The following LINGO2 variants were observed in gnomAD, a reference collection of about 807,000 sequenced individuals.
LINGO2 encodes the protein leucine-rich repeat and immunoglobulin-like domain-containing nogo receptor-interacting protein 2.
Under a neutral mutation model 30.6 loss-of-function variants are expected in LINGO2, and 14 were observed. The ratio of observed to expected loss-of-function variants is 0.46; its 90% CI spans 0.30 to 0.72. The LOEUF is 0.72. Ranked by LOEUF, LINGO2 falls within the 30% of genes least tolerant of loss-of-function variation. LINGO2 has a pLI of 0.07. For synonymous variants in LINGO2, 317 were observed against 288.5 expected (o/e 1.10, Z -1.00); for missense variants, 729 against 751.7 (o/e 0.97, Z 0.35).
At chr9:28,450,411 G>A (rs781142937) in intron 2 of LINGO2, among the ~76,000 whole-genome samples, 2 of 152,038 alleles carry the variant, frequency 1.3e-5, no homozygotes, top group Non-Finnish European at 2.9e-5. Flanking sequence ...AAAAGAGTGG[G>A]CTTTTGAGCT....
At chr9:28,127,203 G>T (rs757172813) in intron 4 of LINGO2, among the ~76,000 whole-genome samples, 1 of 152,110 alleles carries the variant, frequency 6.6e-6, no homozygotes, top group Non-Finnish European at 1.5e-5. Flanking sequence ...CTTGAATCTG[G>T]TATGGCTTTA....
the LINGO2 span, among the ~76,000 whole-genome samples, chr9:29,134,461 T>A: frequency 7.9e-5 from 12 of 152,058 alleles, no homozygotes; most frequent in African/African-American, 2.4e-4. Flanking sequence ...TGATTTTTTT[T>A]ATATTTTGTT....
At position 28,130,084 on chromosome 9, in the gene LINGO2, A is replaced by C. The variant is rs954573415; in HGVS notation, c.-86-117679T>G. ...CTCATGAATATAGTTATTGATCTTC[A>C]GGTAAACTCTTGGGGATTTTGTCAA... On this transcript the variant is annotated intron_variant, in intron 4 of 5. Coordinates refer to ENST00000379992, the Ensembl canonical transcript of LINGO2. The surrounding 1 kb of genome is among the most constrained non-coding windows in gnomAD (Gnocchi z 5.2). 1.3e-5 allele frequency among the ~76,000 whole-genome samples: 2 copies of C among 152,242 alleles called. No individual in the cohort carries two copies. Among genetic ancestry groups the C allele is most frequent in the African/African-American group, 4.8e-5 (2 of 41,466 alleles).
intron 1 of LINGO2, among the ~76,000 whole-genome samples, chr9:28,578,662 T>G (rs1824109092): frequency 1.3e-5 from 2 of 152,132 alleles, no homozygotes; most frequent in South Asian, 4.1e-4. Flanking sequence ...TATTGGTCAT[T>G]ATAGTTATAA....
chr9:28,022,263 G>A lies in LINGO2; in HGVS notation c.-86-9858C>T, dbSNP rs1166670099. Reference sequence around the variant, plus strand: ...TTGAAATTTCTCCCTCCTATTCTTCGTGACATTGCTATCATTCATTTCACT... The same window carrying A: ...TTGAAATTTCTCCCTCCTATTCTTCATGACATTGCTATCATTCATTTCACT... On this transcript the variant is annotated intron_variant, in intron 4 of 5. Transcript: ENST00000379992. Among the ~76,000 whole-genome samples, 12 of 152,006 alleles carry A rather than the reference G, an allele frequency of 7.9e-5. No homozygotes were observed. The South Asian group carries it at 8.3e-4, about 11-fold the overall frequency.
intron 2 of LINGO2, among the ~76,000 whole-genome samples, chr9:28,461,791 T>C (rs1427377886): frequency 6.6e-6 from 1 of 152,190 alleles, no homozygotes; most frequent in Non-Finnish European, 1.5e-5. Flanking sequence ...TGATTATATC[T>C]GTTAATGACT....
At chr9:28,858,373 T>C in the LINGO2 span, among the ~76,000 whole-genome samples, 37 of 152,190 alleles carry the variant, frequency 2.4e-4, no homozygotes, top group African/African-American at 8.7e-4. Context: ...TGGAAGATTT[T>C]ATATGTGCTC....
At chr9:28,969,301 A>G in the LINGO2 span, among the ~76,000 whole-genome samples, 10 of 152,160 alleles carry the variant, frequency 6.6e-5, no homozygotes, top group Non-Finnish European at 1.2e-4. Flanking sequence ...TTCAAAGGAA[A>G]GACTAATATC....
At chr9:28,510,144 G>A (rs1035418796) in intron 1 of LINGO2, among the ~76,000 whole-genome samples, 1 of 152,076 alleles carries the variant, frequency 6.6e-6, no homozygotes, top group African/African-American at 2.4e-5. Flanking sequence ...TTTATTGACA[G>A]CATTCATTTA....
chr9:28,220,847 C>T (rs1036413237), intron 4 of LINGO2, among the ~76,000 whole-genome samples: 1 of 152,108 alleles, frequency 6.6e-6, no homozygotes, highest in Non-Finnish European at 1.5e-5. Flanking sequence ...AACCAAGTAA[C>T]ACCTCCAGCC....
chr9:29,189,627 G>A, the LINGO2 span, among the ~76,000 whole-genome samples: 1 of 152,160 alleles, frequency 6.6e-6, no homozygotes, highest in Non-Finnish European at 1.5e-5. Flanking sequence ...GCCGGGCAGA[G>A]GCTGCAATCT....
intron 1 of LINGO2, among the ~76,000 whole-genome samples, chr9:28,630,348 T>G (rs1429864057): frequency 6.6e-6 from 1 of 152,168 alleles, no homozygotes; most frequent in Non-Finnish European, 1.5e-5. Flanking sequence ...GCTCATCTTT[T>G]TTTCTATTAT....
At chr9:28,723,020 G>C in the LINGO2 span, among the ~76,000 whole-genome samples, 10 of 152,090 alleles carry the variant, frequency 6.6e-5, no homozygotes, top group African/African-American at 2.4e-4. Flanking sequence ...AATTACCCCA[G>C]AGTCTCTGGT....
chr9:28,614,264 A>G (rs1367819472), intron 1 of LINGO2, among the ~76,000 whole-genome samples: 1 of 152,164 alleles, frequency 6.6e-6, no homozygotes, highest in East Asian at 1.9e-4. Context: ...TAGAATACAG[A>G]TATTAAAGCC....
chr9:28,978,643 T>C, the LINGO2 span, among the ~76,000 whole-genome samples: 1 of 152,110 alleles, frequency 6.6e-6, no homozygotes, highest in African/African-American at 2.4e-5. Flanking sequence ...GATGAAATAA[T>C]ATAGAGATGT....
At chr9:29,087,096 C>T in the LINGO2 span, among the ~76,000 whole-genome samples, 2 of 152,158 alleles carry the variant, frequency 1.3e-5, no homozygotes, top group Admixed American at 1.3e-4. Context: ...AGGCTGGTCT[C>T]GAATTCCTGA....
At chr9:28,924,916 C>T in the LINGO2 span, among the ~76,000 whole-genome samples, 1 of 152,122 alleles carries the variant, frequency 6.6e-6, no homozygotes, top group Non-Finnish European at 1.5e-5. Context: ...AAGATAGCCA[C>T]CCCTTCTCTC....
the LINGO2 span, among the ~76,000 whole-genome samples, chr9:28,734,969 T>C: frequency 1.3e-5 from 2 of 152,230 alleles, no homozygotes; most frequent in Non-Finnish European, 2.9e-5. Context: ...TTTATGTTTC[T>C]GAGTAATACT....
the LINGO2 span, among the ~76,000 whole-genome samples, chr9:29,164,494 C>T: frequency 0.031 from 4,439 of 141,188 alleles, 202 homozygotes; most frequent in African/African-American, 0.11. Flanking sequence ...CAAAATCATA[C>T]GATGTTATCA....
Sources: allele counts gnomAD v4.1 joint callset (sites outside exome capture counted in the v4.1 genomes callset), GRCh38; gene constraint gnomAD v4.1.1; non-coding constraint Gnocchi (gnomAD v3.1); transcripts MANE v1.5; gene names NCBI Gene and HGNC (gene_info 2026-07-23, HGNC 2026-07-21).